The following SEMA5A variants were observed in gnomAD, a reference collection of about 807,000 sequenced individuals.
SEMA5A encodes semaphorin-5A.
Under a neutral mutation model 135.5 loss-of-function variants are expected in SEMA5A, and 55 were observed. That is an observed-to-expected ratio of 0.41 (90% CI 0.33 to 0.51). SEMA5A has a LOEUF of 0.51. Ranked by LOEUF, SEMA5A falls within the 20% of genes least tolerant of loss-of-function variation. The probability of loss-of-function intolerance (pLI) is 0.37; values close to 1 mark genes in which losing one functional copy is unlikely to be tolerated. For missense variants in SEMA5A, 1,290 were observed against 1,419.9 expected, an observed-to-expected ratio of 0.91 and a Z score of 1.47; for synonymous variants, 580 against 546.5, an observed-to-expected ratio of 1.06 and a Z score of -0.85.
chr5:9,331,421 T>G (rs544596071), intron 4 of SEMA5A, among the ~76,000 whole-genome samples: 1 of 152,330 alleles, frequency 6.6e-6, no homozygotes, highest in African/African-American at 2.4e-5. Context: ...TGGGAGGCCA[T>G]TAGATTGAGG....
At chr5:9,363,117 C>T (rs1393829890) in intron 3 of SEMA5A, among the ~76,000 whole-genome samples, 1 of 152,124 alleles carries the variant, frequency 6.6e-6, no homozygotes, top group Admixed American at 6.5e-5. Context: ...TTATAACCAT[C>T]CTAGGTTCTT....
intron 5 of SEMA5A, among the ~76,000 whole-genome samples, chr5:9,281,045 T>C (rs929306): frequency 0.4 from 60,375 of 151,934 alleles, 12,207 homozygotes; most frequent in East Asian, 0.48. Context: ...CCATTATCAT[T>C]CTTACTTTAT....
rs1372548302 is a variant in SEMA5A at position 9,062,945 on chromosome 5, T to C, written c.2460A>G (p.Gly820=). 2.5e-6 allele frequency: 4 copies of C among 1,614,076 alleles called. No individual in the cohort carries two copies. The highest frequency in any genetic ancestry group is 1.3e-5 in the African/African-American group (1 of 74,912). The change falls in exon 18 of 23, where the codon GGA becomes GGG. Residue 820 remains glycine (G), a synonymous_variant. Coordinates refer to ENST00000382496, the MANE Select transcript of SEMA5A (RefSeq NM_003966.3). ...VCNNPEPKYG[G]MPCLGPSLEY... ...CCAGAGATGGGCCAAGGCAAGGCAT[T>C]CCCCCATACTTGGGTTCGGGGTTGT...
chr5:9,171,196 G>A (rs1274907183), intron 11 of SEMA5A, among the ~76,000 whole-genome samples: 2 of 151,922 alleles, frequency 1.3e-5, no homozygotes, highest in Admixed American at 6.6e-5. Context: ...TTTAAAACAC[G>A]CTCTGGGGAA....
At chr5:9,391,219 T>C (rs778677487) in intron 2 of SEMA5A, among the ~76,000 whole-genome samples, 10 of 152,216 alleles carry the variant, frequency 6.6e-5, no homozygotes, top group Non-Finnish European at 1.0e-4. Flanking sequence ...CATCATTCAC[T>C]GACCCTGGGA....
intron 5 of SEMA5A, among the ~76,000 whole-genome samples, chr5:9,282,021 C>T (rs1293745205): frequency 6.6e-6 from 1 of 151,968 alleles, no homozygotes; most frequent in Non-Finnish European, 1.5e-5. Flanking sequence ...CCATCTTGGC[C>T]AGGCTGGTCT....
intron 3 of SEMA5A, among the ~76,000 whole-genome samples, chr5:9,343,940 A>C (rs1579379724): frequency 6.6e-6 from 1 of 152,272 alleles, no homozygotes; most frequent in East Asian, 1.9e-4. Flanking sequence ...GGTTCCCTCA[A>C]ATCTTTTCAG....
intron 5 of SEMA5A, among the ~76,000 whole-genome samples, chr5:9,249,685 A>G (rs1212523560): frequency 6.6e-6 from 1 of 152,180 alleles, no homozygotes; most frequent in Non-Finnish European, 1.5e-5. Context: ...ACATGCTGTG[A>G]TCTTGGGCGT....
At chr5:9,520,094 C>T (rs538269414) in intron 1 of SEMA5A, 3 of 152,430 alleles carry the variant, frequency 2.0e-5, no homozygotes, top group South Asian at 2.1e-4. Flanking sequence ...AGGAAGGCCC[C>T]TCACCTGGCC....
intron 12 of SEMA5A, among the ~76,000 whole-genome samples, chr5:9,150,654 C>G (rs1742584137): frequency 6.6e-6 from 1 of 152,202 alleles, no homozygotes. Context: ...TCACCACTCC[C>G]AACCCCCGCC....
In SEMA5A at chr5:9,253,338, T is replaced by C. The variant is rs184313942; in HGVS notation, c.271-15448A>G. 1.1e-3 allele frequency among the ~76,000 whole-genome samples: 163 copies of C among 152,292 alleles called. 1 individual carries two copies. Among genetic ancestry groups the C allele is most frequent in the African/African-American group, 3.6e-3 (150 of 41,580 alleles). On this transcript the variant is annotated intron_variant, in intron 5 of 22. Coordinates refer to ENST00000382496, the MANE Select transcript of SEMA5A (RefSeq NM_003966.3). ...TAAGCTTTTACTCAAGGACAGCTGA[T>C]TTAATGGGTTGTGATGACGGATAAT...
chr5:9,094,824 A>G (rs953925117), intron 16 of SEMA5A, among the ~76,000 whole-genome samples: 1 of 152,186 alleles, frequency 6.6e-6, no homozygotes, highest in Non-Finnish European at 1.5e-5. Context: ...ATGCCAAATA[A>G]TAGTGTGTGG....
intron 5 of SEMA5A, among the ~76,000 whole-genome samples, chr5:9,256,960 C>T (rs183772190): frequency 6.4e-4 from 97 of 152,342 alleles, no homozygotes; most frequent in Non-Finnish European, 9.4e-4. Flanking sequence ...GAATAATAAT[C>T]TCTGACCTTC....
chr5:9,155,423 G>A (rs989900540), intron 11 of SEMA5A, among the ~76,000 whole-genome samples: 1 of 151,080 alleles, frequency 6.6e-6, no homozygotes, highest in Non-Finnish European at 1.5e-5. Context: ...CGGCCCCTGA[G>A]CCATGCAGCC....
At chr5:9,321,672 T>C (rs964646742) in intron 4 of SEMA5A, among the ~76,000 whole-genome samples, 2 of 152,216 alleles carry the variant, frequency 1.3e-5, no homozygotes, top group Non-Finnish European at 2.9e-5. Context: ...CCAACTTCTA[T>C]GTTAATTTTG....
At chr5:9,138,217 T>C (rs58610951) in intron 12 of SEMA5A, among the ~76,000 whole-genome samples, 44,485 of 152,042 alleles carry the variant, frequency 0.29, 6,632 homozygotes, top group Non-Finnish European at 0.32. Context: ...CATTCAAAAA[T>C]ACAAACAAGG....
intron 12 of SEMA5A, among the ~76,000 whole-genome samples, chr5:9,140,863 C>T (rs1047251859): frequency 2.0e-5 from 3 of 152,126 alleles, no homozygotes; most frequent in Admixed American, 6.5e-5. Context: ...AAAAATTCCA[C>T]GGGCTCCTCA....
chr5:9,066,957 T>G (rs1284071079), intron 16 of SEMA5A, among the ~76,000 whole-genome samples: 4 of 152,286 alleles, frequency 2.6e-5, no homozygotes, highest in African/African-American at 4.8e-5. Flanking sequence ...TTTCACTTAA[T>G]GAGTAGCTAA....
chr5:9,314,301 A>G (rs750894719), intron 5 of SEMA5A, among the ~76,000 whole-genome samples: 1 of 151,968 alleles, frequency 6.6e-6, no homozygotes, highest in African/African-American at 2.4e-5. Context: ...AGAACACTTC[A>G]ACTCTAGCTG....
Sources: allele counts gnomAD v4.1 joint callset (sites outside exome capture counted in the v4.1 genomes callset), GRCh38; gene constraint gnomAD v4.1.1; transcripts MANE v1.5; gene names NCBI Gene and HGNC (gene_info 2026-07-23, HGNC 2026-07-21).